Variants in SMAD3 observed in about 807,000 individuals in gnomAD.
The protein encoded by SMAD3 is SMAD family member 3, also known as MAD homolog 3.
Under a neutral mutation model 51.8 loss-of-function variants are expected in SMAD3, and 12 were observed. That is an observed-to-expected ratio of 0.23 (90% confidence interval 0.15 to 0.38). The LOEUF is 0.38. SMAD3 is among the 10% of genes least tolerant of loss of function. The pLI is 1.00. For synonymous variants in SMAD3, 238 were observed against 227.7 expected (o/e 1.05, Z -0.41); for missense variants, 294 against 565.6 (o/e 0.52, Z 4.87).
intron 1 of SMAD3, among the ~76,000 whole-genome samples, chr15:67,090,928 G>T (rs549675607): frequency 1.8e-4 from 27 of 152,176 alleles, no homozygotes; most frequent in Non-Finnish European, 3.4e-4. Flanking sequence ...TTGAACACTT[G>T]ATTACCTGCT....
At position 67,192,764 on chromosome 15, in the gene SMAD3, GAAA is replaced by G. The variant is rs573496525; in HGVS notation, c.*2235_*2237del. The G allele has an allele frequency of 4.4e-6, 1 of 227,602 alleles. No homozygotes were observed. The highest frequency in any genetic ancestry group is 5.7e-5 in the Admixed American group (1 of 17,476). 14.1% of individuals were successfully genotyped at this position (227,602 alleles called of 1,614,324 possible). On this transcript the variant is annotated 3_prime_UTR_variant, in exon 9 of 9. Transcript: ENST00000327367. ...TCGTGTCTTACTCCAGGTGAAGGGG[GAAA>G]AAAAAAGCCTATACTTTGGCAGGTT...
chr15:67,195,070 C>T lies in SMAD3; in HGVS notation c.*4534C>T, dbSNP rs1317201174. On this transcript the variant is annotated 3_prime_UTR_variant, in exon 9 of 9. Transcript: ENST00000327367. ...TAACTTTTATATCTTAAAAGCAGAG[C>T]ACCTGTTTAAGCATTGTACCCCTAT... 4.3e-6 allele frequency: 1 copy of T among 233,400 alleles called. No homozygotes were observed. Among genetic ancestry groups the T allele is most frequent in the Non-Finnish European group, 8.5e-6 (1 of 117,874 alleles). The allele number at this position is 233,400 out of a possible 1,614,324, so 14.5% of individuals were successfully genotyped here.
rs781146835 is a variant in SMAD3 at position 67,190,958 on chromosome 15, C to G, written c.*422C>G. ...AAGGGCGTTCTAGGTAGGAAGAGCC[C>G]GCAGGGCCATGCAGACCTCATGCCC... On this transcript the variant is annotated 3_prime_UTR_variant, in exon 9 of 9. Transcript: ENST00000327367. The G allele has an allele frequency of 3.5e-6, 1 of 287,968 alleles. No individual in the cohort carries two copies. The highest frequency in any genetic ancestry group is 6.6e-6 in the Non-Finnish European group (1 of 150,434). 17.8% of individuals were successfully genotyped at this position (287,968 alleles called of 1,614,324 possible).
chr15:67,095,551 C>T (rs1039121665), intron 1 of SMAD3, among the ~76,000 whole-genome samples: 2 of 149,848 alleles, frequency 1.3e-5, no homozygotes, highest in African/African-American at 2.5e-5. Flanking sequence ...GCTTGAAATC[C>T]TTTTTTTTTT....
rs1963424691 is a variant in SMAD3 at position 67,193,672 on chromosome 15, G to A, written c.*3136G>A. 1 of 233,144 alleles carries A rather than the reference G, an allele frequency of 4.3e-6. No individual in the cohort carries two copies. Among genetic ancestry groups the A allele is most frequent in the Admixed American group, 5.6e-5 (1 of 17,732 alleles). 14.4% of individuals were successfully genotyped at this position (233,144 alleles called of 1,614,324 possible). Reference sequence around the variant, plus strand: ...AAGGCTGCTGGCAGACGTCTCCATTGTCCTTATGTTGTCTGTGTTGTATTT... The same window carrying A: ...AAGGCTGCTGGCAGACGTCTCCATTATCCTTATGTTGTCTGTGTTGTATTT... On this transcript the variant is annotated 3_prime_UTR_variant, in exon 9 of 9. Transcript: ENST00000327367.
In SMAD3 at chr15:67,132,877, A is replaced by G. The variant is rs151268863; in HGVS notation, c.207-32018A>G. On this transcript the variant is annotated intron_variant, in intron 1 of 8. Transcript: ENST00000327367. Reference sequence around the variant, plus strand: ...TTCTGATAAACTCCTTGAGTTGAACAGAAATCAGACTCCCCGTAACTTCTG... The same window carrying G: ...TTCTGATAAACTCCTTGAGTTGAACGGAAATCAGACTCCCCGTAACTTCTG... 2.6e-3 allele frequency among the ~76,000 whole-genome samples: 403 copies of G among 152,326 alleles called. 6 individuals carry two copies. The highest frequency in any genetic ancestry group is 9.3e-3 in the African/African-American group (386 of 41,566).
In SMAD3 at chr15:67,165,365, G is replaced by C; in HGVS notation, c.513G>C (p.Glu171Asp). The change falls in exon 3 of 9, where the codon GAG becomes GAC. Residue 171 changes from glutamate to aspartate, a missense_variant. Physicochemically the swap from Glu to Asp is conservative, Grantham distance 45. Coordinates refer to ENST00000327367, the MANE Select transcript of SMAD3 (RefSeq NM_005902.4). ...PENTNFPAGIEPQSNIPETPP... is the reference protein window; with the variant it reads ...PENTNFPAGIDPQSNIPETPP... ...ACACTAACTTCCCCGCAGGCATCGA[G>C]CCCCAGAGCAATATTCCAGGTAGGC... is the stretch of plus-strand genomic sequence containing the variant. The C allele has an allele frequency of 1.2e-6, 2 of 1,614,134 alleles. No individual in the cohort carries two copies. Among genetic ancestry groups the C allele is most frequent in the Non-Finnish European group, 1.7e-6 (2 of 1,180,032 alleles).
chr15:67,182,986 T>TTAAAAA (rs1172704526), intron 6 of SMAD3, among the ~76,000 whole-genome samples: 1 of 48,038 alleles, frequency 2.1e-5, no homozygotes, highest in African/African-American at 1.0e-4. Context: ...TATATTTTAT[T>TTAAAAA]AAAAAAAAAA....
At chr15:67,074,034 CT>C in intron 1 of SMAD3, among the ~76,000 whole-genome samples, 1 of 152,226 alleles carries the variant, frequency 6.6e-6, no homozygotes, top group Non-Finnish European at 1.5e-5. Flanking sequence ...AATGACAGAT[CT>C]TTCTTAATTA....
At chr15:67,081,419 C>T (rs1278241554) in intron 1 of SMAD3, among the ~76,000 whole-genome samples, 2 of 152,156 alleles carry the variant, frequency 1.3e-5, no homozygotes, top group Non-Finnish European at 1.5e-5. Context: ...GCCTGTGTGC[C>T]GCAGTAAGCC....
At chr15:67,121,564 G>T (rs1961264964) in intron 1 of SMAD3, among the ~76,000 whole-genome samples, 2 of 152,114 alleles carry the variant, frequency 1.3e-5, no homozygotes, top group East Asian at 1.9e-4. Flanking sequence ...GGCGTTTAGG[G>T]TTATAAAAAC....
chr15:67,179,706 C>T (rs1250194014), intron 5 of SMAD3, among the ~76,000 whole-genome samples: 35 of 152,190 alleles, frequency 2.3e-4, no homozygotes. Flanking sequence ...CTCTCTTGGG[C>T]TTTACACACC....
At chr15:67,117,486 A>AC (rs1192190638) in intron 1 of SMAD3, among the ~76,000 whole-genome samples, 2 of 151,936 alleles carry the variant, frequency 1.3e-5, no homozygotes, top group African/African-American at 4.8e-5. Context: ...GCCCAGTGCC[A>AC]CCCCACTGCA....
At chr15:67,182,592 T>A (rs1199178597) in intron 6 of SMAD3, among the ~76,000 whole-genome samples, 1 of 152,092 alleles carries the variant, frequency 6.6e-6, no homozygotes, top group African/African-American at 2.4e-5. Context: ...AGACTTCATT[T>A]GAAGAGAGGA....
At chr15:67,107,965 T>TTC (rs553047761) in intron 1 of SMAD3, among the ~76,000 whole-genome samples, 16 of 124,640 alleles carry the variant, frequency 1.3e-4, no homozygotes, top group African/African-American at 5.2e-4. Flanking sequence ...TGCTCTCCTC[T>TTC]CCCCCCCACC....
At chr15:67,070,799 C>A (rs981753789) in intron 1 of SMAD3, among the ~76,000 whole-genome samples, 7 of 151,690 alleles carry the variant, frequency 4.6e-5, no homozygotes, top group African/African-American at 1.7e-4. Flanking sequence ...AATTCAGGTC[C>A]TGTACCTGCC....
At chr15:67,190,298 TA>T in intron 8 of SMAD3, 114 bp from the exon 9 acceptor site, 1 of 994,884 alleles carries the variant, frequency 1.0e-6, no homozygotes, top group Non-Finnish European at 1.6e-6. Context: ...GGACAGCGTC[TA>T]ACAGCATCTT....
At chr15:67,138,558 C>A (rs983577577) in intron 1 of SMAD3, 1 of 153,680 alleles carries the variant, frequency 6.5e-6, no homozygotes, top group Non-Finnish European at 1.4e-5. Flanking sequence ...AAGGAAAAGC[C>A]CCTGCTCAGC....
chr15:67,127,631 G>A (rs546994057), intron 1 of SMAD3, among the ~76,000 whole-genome samples: 5 of 152,224 alleles, frequency 3.3e-5, no homozygotes, highest in Admixed American at 3.3e-4. Context: ...CGTGTCTTCT[G>A]TGCCCGTCTC....
Sources: allele counts gnomAD v4.1 joint callset (sites outside exome capture counted in the v4.1 genomes callset), GRCh38; gene constraint gnomAD v4.1.1; transcripts MANE v1.5; gene names NCBI Gene and HGNC (gene_info 2026-07-23, HGNC 2026-07-21).